The following DAPK1 variants were observed in gnomAD, a reference collection of about 807,000 sequenced individuals.
The protein encoded by DAPK1 is death-associated protein kinase 1.
In DAPK1, 56 loss-of-function variants were observed where a neutral mutation model predicts 144.9. The ratio of observed to expected loss-of-function variants is 0.39; its 90% CI spans 0.31 to 0.48. The LOEUF (loss-of-function observed/expected upper bound fraction) is 0.48, where lower values mean the gene tolerates loss of function less well. Among genes scored for constraint, DAPK1 ranks in the 20% least tolerant of loss-of-function variants. The probability of loss-of-function intolerance (pLI) is 0.95; values close to 1 mark genes in which losing one functional copy is unlikely to be tolerated. For synonymous variants in DAPK1, 690 were observed against 749.0 expected, an observed-to-expected ratio of 0.92 and a Z score of 1.29; for missense variants, 1,454 against 1,875.4, an observed-to-expected ratio of 0.78 and a Z score of 4.15.
Position 87,498,048 on chromosome 9 carries a change from C to T in DAPK1, c.-168C>T. 1 of 397,148 alleles carries T rather than the reference C, an allele frequency of 2.5e-6. No homozygotes were observed. Among genetic ancestry groups the T allele is most frequent in the Admixed American group, 4.4e-5 (1 of 22,706 alleles). The allele number at this position is 397,148 out of a possible 1,614,324, so 24.6% of individuals were successfully genotyped here. On this transcript the variant is annotated 5_prime_UTR_variant, in exon 1 of 26. Coordinates refer to ENST00000408954, the MANE Select transcript of DAPK1 (RefSeq NM_004938.4). ...CGCCCCGGCTAGTCTCCGGCGCTGGCGCCTATGGTCGGCCTCCGACAGCGC... is the reference window on the plus strand; with the variant it reads ...CGCCCCGGCTAGTCTCCGGCGCTGGTGCCTATGGTCGGCCTCCGACAGCGC...
chr9:87,619,099 C>T (rs1829199461), intron 3 of DAPK1, among the ~76,000 whole-genome samples: 1 of 152,078 alleles, frequency 6.6e-6, no homozygotes, highest in Non-Finnish European at 1.5e-5. Context: ...CTTGCCATTG[C>T]CAGATCACAC....
chr9:87,592,304 CCTT>C (rs1828166558), intron 2 of DAPK1, among the ~76,000 whole-genome samples: 1 of 152,222 alleles, frequency 6.6e-6, no homozygotes. Context: ...GGTCATTCCT[CCTT>C]CTCGCCCACT....
chr9:87,537,221 C>T (rs1055497429), intron 2 of DAPK1, among the ~76,000 whole-genome samples: 2 of 152,114 alleles, frequency 1.3e-5, no homozygotes, highest in African/African-American at 4.8e-5. Flanking sequence ...CTCCTGCCCT[C>T]GTTATCCTCC....
At chr9:87,660,436 C>T (rs1287844495) in intron 18 of DAPK1, among the ~76,000 whole-genome samples, 2 of 152,154 alleles carry the variant, frequency 1.3e-5, no homozygotes, top group African/African-American at 2.4e-5. Flanking sequence ...AATATATTAG[C>T]ACAAGATATG....
intron 2 of DAPK1, among the ~76,000 whole-genome samples, chr9:87,551,419 T>C (rs1826480241): frequency 6.6e-6 from 1 of 152,210 alleles, no homozygotes; most frequent in African/African-American, 2.4e-5. Flanking sequence ...GTGCTGGGAT[T>C]ACAGGCGTGA....
intron 2 of DAPK1, among the ~76,000 whole-genome samples, chr9:87,507,475 G>C (rs1418541104): frequency 2.0e-5 from 3 of 152,188 alleles, no homozygotes; most frequent in Non-Finnish European, 4.4e-5. Context: ...AAAGTGTTGG[G>C]ATTACAGGCA....
intron 19 of DAPK1, among the ~76,000 whole-genome samples, chr9:87,680,637 T>TCA (rs200231672): frequency 7.6e-4 from 102 of 134,412 alleles, no homozygotes; most frequent in Middle Eastern, 4.4e-3. Context: ...AGTGTGGGGG[T>TCA]CACACACACA....
At chr9:87,572,592 G>A (rs576893985) in intron 2 of DAPK1, among the ~76,000 whole-genome samples, 6 of 152,148 alleles carry the variant, frequency 3.9e-5, no homozygotes, top group Admixed American at 3.3e-4. Context: ...GGTGAGACCT[G>A]GTTGCTGAAA....
At chr9:87,589,055 A>ATTTTTTTTTT (rs35875159) in intron 2 of DAPK1, among the ~76,000 whole-genome samples, 2 of 101,196 alleles carry the variant, frequency 2.0e-5, no homozygotes, top group Admixed American at 1.1e-4. Flanking sequence ...CGCCCGGCTA[A>ATTTTTTTTTT]TTTTTTTTTT....
At chr9:87,561,135 A>G (rs977520322) in intron 2 of DAPK1, among the ~76,000 whole-genome samples, 5 of 152,168 alleles carry the variant, frequency 3.3e-5, no homozygotes, top group Admixed American at 6.5e-5. Flanking sequence ...TAGCGGAACC[A>G]ATAATATATT....
intron 18 of DAPK1, among the ~76,000 whole-genome samples, chr9:87,663,987 G>A (rs186198820): frequency 5.9e-5 from 9 of 152,076 alleles, no homozygotes; most frequent in Non-Finnish European, 1.2e-4. Flanking sequence ...ACCTGGTTAA[G>A]GGCGTCACCC....
chr9:87,517,217 G>A (rs998518776), intron 2 of DAPK1, among the ~76,000 whole-genome samples: 5 of 151,866 alleles, frequency 3.3e-5, no homozygotes, highest in South Asian at 2.1e-4. Flanking sequence ...AGTGGGCACC[G>A]ATAGCAGGCT....
chr9:87,698,599 G>C, intron 22 of DAPK1, 57 bp from the exon 23 acceptor site: 1 of 1,172,610 alleles, frequency 8.5e-7, no homozygotes, highest in Non-Finnish European at 1.3e-6. Flanking sequence ...ACCTGGGCAG[G>C]AGAGGCAGCC....
Position 87,576,156 on chromosome 9 carries a change from ACACACACGTG to A in DAPK1, c.63-28789_63-28780del, listed in dbSNP as rs1181379028. 2.0e-5 allele frequency among the ~76,000 whole-genome samples: 3 copies of A among 152,314 alleles called. No homozygotes were observed. In the South Asian group the frequency reaches 6.2e-4, roughly 32 times the overall value. On this transcript the variant is annotated intron_variant, in intron 2 of 25. Transcript: ENST00000408954. ...TGATGAGTTCATTCTTCATACACGT[ACACACACGTG>A]CACACACGCATGCACACACATGCGT... is the stretch of plus-strand genomic sequence containing the variant.
intron 2 of DAPK1, among the ~76,000 whole-genome samples, chr9:87,600,646 T>C (rs1828484202): frequency 6.6e-6 from 1 of 152,148 alleles, no homozygotes; most frequent in South Asian, 2.1e-4. Flanking sequence ...ACAAAATCCA[T>C]TAATAATAAG....
At chr9:87,571,473 A>ACACACACACACACACACCCC (rs377253457) in intron 2 of DAPK1, among the ~76,000 whole-genome samples, 2 of 57,616 alleles carry the variant, frequency 3.5e-5, no homozygotes, top group Non-Finnish European at 6.3e-5. Context: ...ACACACACAC[A>ACACACACACACACACACCCC]CCAACACACA....
At chr9:87,514,351 T>G (rs1374272997) in intron 2 of DAPK1, among the ~76,000 whole-genome samples, 1 of 152,210 alleles carries the variant, frequency 6.6e-6, no homozygotes, top group Non-Finnish European at 1.5e-5. Flanking sequence ...GTGCGTAGTT[T>G]CCTGTGTCCC....
intron 3 of DAPK1, among the ~76,000 whole-genome samples, chr9:87,609,000 T>C (rs1198932720): frequency 6.6e-6 from 1 of 152,206 alleles, no homozygotes; most frequent in Non-Finnish European, 1.5e-5. Flanking sequence ...AGATTAGCAT[T>C]TGAATCAGTA....
At chr9:87,657,671 A>G (rs1830675548) in intron 17 of DAPK1, 1 of 295,562 alleles carries the variant, frequency 3.4e-6, no homozygotes, top group Admixed American at 4.8e-5. Context: ...TGTCTTCAAT[A>G]TCTGTCTTCC....
Sources: gnomAD v4.1 joint callset for allele counts (sites outside exome capture counted in the v4.1 genomes callset) on GRCh38, gnomAD v4.1.1 for gene constraint, MANE v1.5 for transcripts, NCBI Gene and HGNC (gene_info 2026-07-23, HGNC 2026-07-21) for gene names.